The following LTBP1 variants were observed in gnomAD, a reference collection of about 807,000 sequenced individuals.
LTBP1 encodes latent transforming growth factor beta binding protein 1, also known as latent-transforming growth factor beta-binding protein 1.
LTBP1 carries 129 observed loss-of-function variants against 207.6 expected under a neutral mutation model. The observed-to-expected ratio is 0.62, with a 90% CI of 0.54 to 0.72. The LOEUF is 0.72. Among genes scored for constraint, LTBP1 ranks in the 30% least tolerant of loss-of-function variants. The probability of loss-of-function intolerance (pLI) is 0.00; values close to 1 mark genes in which losing one functional copy is unlikely to be tolerated. For missense variants in LTBP1, 2,281 were observed against 2,217.2 expected (o/e 1.03, Z -0.58); for synonymous variants, 963 against 833.7 (o/e 1.16, Z -2.67).
intron 7 of LTBP1, among the ~76,000 whole-genome samples, chr2:33,214,329 A>G (rs1432566914): frequency 6.6e-6 from 1 of 151,992 alleles, no homozygotes; most frequent in South Asian, 2.1e-4. Context: ...ACGTTTTGTG[A>G]TTAAGCTCAA....
chr2:33,125,739 A>G (rs2081397213), intron 4 of LTBP1, among the ~76,000 whole-genome samples: 1 of 151,726 alleles, frequency 6.6e-6, no homozygotes, highest in South Asian at 2.1e-4. Context: ...CTGAGGCAGG[A>G]GAATCAGTTG....
At chr2:33,111,957 G>A (rs1336049230) in intron 4 of LTBP1, among the ~76,000 whole-genome samples, 3 of 152,134 alleles carry the variant, frequency 2.0e-5, no homozygotes, top group Non-Finnish European at 4.4e-5. Context: ...CGTACTTAAA[G>A]AGCCGTTTCT....
At chr2:33,191,864 C>T (rs58248415) in intron 7 of LTBP1, among the ~76,000 whole-genome samples, 1 of 152,260 alleles carries the variant, frequency 6.6e-6, no homozygotes, top group African/African-American at 2.4e-5. Flanking sequence ...TATGAGAGGT[C>T]ATATACAAAA....
intron 3 of LTBP1, among the ~76,000 whole-genome samples, chr2:33,034,541 T>A (rs2075829202): frequency 6.6e-6 from 1 of 152,198 alleles, no homozygotes; most frequent in African/African-American, 2.4e-5. Context: ...TCATCTAGAA[T>A]GATGACAGGC....
At chr2:33,175,915 A>G (rs1457191773) in intron 5 of LTBP1, among the ~76,000 whole-genome samples, 1 of 119,984 alleles carries the variant, frequency 8.3e-6, no homozygotes, top group Non-Finnish European at 1.9e-5. Context: ...ACAGAAAACC[A>G]GACACCGCAT....
intron 5 of LTBP1, among the ~76,000 whole-genome samples, chr2:33,155,019 T>A (rs1057350888): frequency 2.6e-5 from 4 of 152,156 alleles, no homozygotes; most frequent in Admixed American, 1.3e-4. Context: ...GCCGAGATCA[T>A]GCCATTGCAT....
intron 9 of LTBP1, 117 bp from the exon 10 acceptor site, chr2:33,243,544 CT>C: frequency 2.2e-6 from 2 of 894,172 alleles, no homozygotes; most frequent in Non-Finnish European, 3.4e-6. Flanking sequence ...CTGCTACATC[CT>C]TTTTTCACTA....
At chr2:33,099,456 T>C (rs2079582916) in intron 3 of LTBP1, among the ~76,000 whole-genome samples, 1 of 151,242 alleles carries the variant, frequency 6.6e-6, no homozygotes, top group East Asian at 1.9e-4. Context: ...AATTTTCCCG[T>C]ATGAAATATT....
chr2:32,957,043 C>T (rs749674863), intron 2 of LTBP1, among the ~76,000 whole-genome samples: 1 of 152,036 alleles, frequency 6.6e-6, no homozygotes, highest in Non-Finnish European at 1.5e-5. Flanking sequence ...AGACTGTCAT[C>T]CAGTCTTTGT....
At chr2:33,253,802 G>A (rs1313424430) in intron 11 of LTBP1, among the ~76,000 whole-genome samples, 1 of 150,504 alleles carries the variant, frequency 6.6e-6, no homozygotes, top group African/African-American at 2.5e-5. Context: ...TTGATGGTAT[G>A]TTGGTAGACT....
chr2:33,000,091 T>C lies in LTBP1; in HGVS notation c.566-20818T>C, dbSNP rs1325876168. On this transcript the variant is annotated intron_variant, in intron 2 of 33. Coordinates refer to ENST00000404816, the MANE Select transcript of LTBP1 (RefSeq NM_206943.4). ...AACAAGTTCTCCCAAATTCTTCTTA[T>C]GTGAAAGTCTAGGGTCCTGCTCTGA... is the stretch of plus-strand genomic sequence containing the variant. Among the ~76,000 whole-genome samples the C allele has an allele frequency of 5.2e-5, 7 of 134,548 alleles. 2 individuals are homozygous for C. The highest frequency in any genetic ancestry group is 7.8e-5 in the African/African-American group (3 of 38,612). 88.3% of individuals were successfully genotyped at this position (134,548 alleles called of 152,430 possible). A position where few individuals can be genotyped will look rare whatever the true frequency, so the allele number is the denominator to read the frequency against.
intron 5 of LTBP1, among the ~76,000 whole-genome samples, chr2:33,138,452 T>C (rs2082319113): frequency 6.6e-6 from 1 of 152,112 alleles, no homozygotes; most frequent in Non-Finnish European, 1.5e-5. Flanking sequence ...AATGACTTTT[T>C]TTTTTTTTGA....
intron 24 of LTBP1, among the ~76,000 whole-genome samples, chr2:33,341,507 T>C (rs1404386201): frequency 7.3e-5 from 11 of 151,610 alleles, no homozygotes; most frequent in Non-Finnish European, 1.5e-4. Context: ...GTCAGGAGAT[T>C]GAGACCATCC....
Position 33,360,733 on chromosome 2 carries a change from A to T in LTBP1, c.4137A>T (p.Gly1379=), listed in dbSNP as rs1413290516. 1.9e-6 allele frequency: 3 copies of T among 1,613,980 alleles called. No homozygotes were observed. The highest frequency in any genetic ancestry group is 1.7e-6 in the Non-Finnish European group (2 of 1,179,884). ...AATGCTGCTGTACATCAGGCGTGGGATGGGGAGATAACTGCGAAATCTTCC... is the reference window on the plus strand; with the variant it reads ...AATGCTGCTGTACATCAGGCGTGGGTTGGGGAGATAACTGCGAAATCTTCC... ...KQECCCTSGV[G]WGDNCEIFPC... is the part of the protein sequence containing the mutation. Residue 1379 remains glycine (G), a synonymous_variant, in exon 27 of 34, where the codon GGA becomes GGT. Transcript: ENST00000404816.
At chr2:32,949,240 C>G (rs1267164733) in intron 2 of LTBP1, among the ~76,000 whole-genome samples, 1 of 152,196 alleles carries the variant, frequency 6.6e-6, no homozygotes, top group Non-Finnish European at 1.5e-5. Context: ...AAAAAAATTT[C>G]CATTTGAGGA....
At chr2:33,391,570 C>T (rs1014737352) in intron 32 of LTBP1, among the ~76,000 whole-genome samples, 1 of 152,190 alleles carries the variant, frequency 6.6e-6, no homozygotes, top group East Asian at 1.9e-4. Context: ...CCTCCCTAGA[C>T]CTCCTCAATA....
chr2:33,318,584 A>T (rs972443573), intron 24 of LTBP1, among the ~76,000 whole-genome samples: 2 of 152,118 alleles, frequency 1.3e-5, no homozygotes, highest in Admixed American at 1.3e-4. Context: ...TACACAGGAT[A>T]TTTTTTTCAA....
rs532670187 is a variant in LTBP1, at chr2:33,039,848, G to T, written c.863+18642G>T. 9.9e-5 allele frequency among the ~76,000 whole-genome samples: 15 copies of T among 152,262 alleles called. No individual in the cohort carries two copies. In the South Asian group the frequency reaches 3.1e-3, roughly 32 times the overall value. On this transcript the variant is annotated intron_variant, in intron 3 of 33. Transcript: ENST00000404816. ...TAATGGGTTCGGAAAGGCAGGTTCT[G>T]GGCAAGGGAAAGCTGATAATGGTTG...
intron 2 of LTBP1, among the ~76,000 whole-genome samples, chr2:32,984,766 CAA>C (rs35404252): frequency 2.9e-4 from 41 of 143,166 alleles, no homozygotes; most frequent in East Asian, 4.0e-4. Flanking sequence ...ACTAAAAATA[CAA>C]AAAAAAAAAA....
Sources: allele counts gnomAD v4.1 joint callset (sites outside exome capture counted in the v4.1 genomes callset), GRCh38; gene constraint gnomAD v4.1.1; transcripts MANE v1.5; gene names NCBI Gene and HGNC (gene_info 2026-07-23, HGNC 2026-07-21).